Variants in NLRP8 observed in about 807,000 individuals in gnomAD.
NLRP8 encodes the protein NACHT, LRR and PYD domains-containing protein 8.
A neutral mutation model predicts 88.7 loss-of-function variants in NLRP8; 86 were observed. That is an observed-to-expected ratio of 0.97 (90% CI 0.81 to 1.16). The LOEUF (loss-of-function observed/expected upper bound fraction) is 1.16, where lower values mean the gene tolerates loss of function less well. Ranked by LOEUF, NLRP8 falls within the 50% of genes most tolerant of loss-of-function variation. The pLI, the probability that NLRP8 is intolerant of heterozygous loss-of-function variation, is 0.00. For missense variants in NLRP8, 1,342 were observed against 1,286.5 expected (o/e 1.04, Z -0.66); for synonymous variants, 504 against 494.6 (o/e 1.02, Z -0.25).
chr19:55,972,791 G>T (rs1170470975), intron 6 of NLRP8, among the ~76,000 whole-genome samples: 1 of 46,498 alleles, frequency 2.2e-5, no homozygotes, highest in Non-Finnish European at 3.4e-5. Flanking sequence ...GTATTCCATG[G>T]TGTGTGTGTG....
intron 7 of NLRP8, 62 bp downstream of exon 7, chr19:55,973,884 C>A: frequency 1.3e-6 from 2 of 1,481,710 alleles, no homozygotes; most frequent in Non-Finnish European, 1.8e-6. Context: ...ATGAAGAGAA[C>A]CTGTTATATA....
At chr19:55,981,308 G>A (rs1208633948) in intron 9 of NLRP8, among the ~76,000 whole-genome samples, 150 bp downstream of exon 10, 12 of 151,654 alleles carry the variant, frequency 7.9e-5, no homozygotes, top group South Asian at 6.2e-4. Context: ...GGCTCCATTC[G>A]TTCTGGGAAC....
Position 55,952,629 on chromosome 19 carries a change from C to T in NLRP8, c.442+17C>T, listed in dbSNP as rs374938272. 2.5e-6 allele frequency: 4 copies of T among 1,607,476 alleles called. No individual in the cohort carries two copies. The African/African-American group carries it at 5.3e-5, about 21-fold the overall frequency. The stretch of plus-strand genomic sequence containing the variant: ...GAGAATCTGGTATGTGCCTGTATCA[C>T]AGCAGACCCTGGTGAAAAAATGGGC... On this transcript the variant is annotated intron_variant, in intron 2 of 9. Transcript: ENST00000291971.
chr19:55,957,078 C>T (rs978706714), intron 3 of NLRP8, among the ~76,000 whole-genome samples: 1 of 152,144 alleles, frequency 6.6e-6, no homozygotes, highest in Admixed American at 6.5e-5. Context: ...CAGGCATGAG[C>T]CGCTGCGCCC....
rs1446963078 is a variant in NLRP8, at chr19:55,953,777, G to A, written c.443-724G>A. On this transcript the variant is annotated intron_variant, in intron 2 of 9. Coordinates refer to ENST00000291971, the MANE Select transcript of NLRP8 (RefSeq NM_176811.2). ...CAAAGTGCTGGGATTACAGGCGTAA[G>A]CCACTGTGCCTGGCCTTTTTTTTTT... 2.9e-5 allele frequency among the ~76,000 whole-genome samples: 4 copies of A among 137,930 alleles called. No individual in the cohort carries two copies. In the East Asian group the frequency reaches 6.9e-4, roughly 24 times the overall value. The allele number at this position is 137,930 out of a possible 152,430, so 90.5% of individuals were successfully genotyped here.
Position 55,948,121 on chromosome 19 carries a change from G to T in NLRP8, c.219G>T (p.Trp73Cys). ...GTACTGGCACCATGCCCATCACCTG[G>T]GACCAGGTCGAGACAGCCAGCTGGG... Residue 73 changes from tryptophan (W) to cysteine (C), a missense_variant, in exon 1 of 10, where the codon TGG becomes TGT. By Grantham distance (215) the Trp-to-Cys change is radical. Coordinates refer to ENST00000291971, the MANE Select transcript of NLRP8 (RefSeq NM_176811.2). The T allele has an allele frequency of 6.2e-7, 1 of 1,614,126 alleles. No homozygotes were observed. Among genetic ancestry groups the T allele is most frequent in the South Asian group, 1.1e-5 (1 of 91,082 alleles).
intron 3 of NLRP8, among the ~76,000 whole-genome samples, chr19:55,957,673 T>TATATATATA (rs1378405360): frequency 1.3e-4 from 4 of 31,216 alleles, no homozygotes; most frequent in South Asian, 1.7e-3. Flanking sequence ...AAAATAATAA[T>TATATATATA]TATATATATA....
intron 4 of NLRP8, among the ~76,000 whole-genome samples, chr19:55,963,118 A>G (rs964286069): frequency 1.3e-5 from 2 of 152,094 alleles, no homozygotes; most frequent in African/African-American, 4.8e-5. Context: ...GGTTCAAGCA[A>G]TTCTCCTGCC....
At chr19:55,975,653 A>G (rs1453555149) in intron 7 of NLRP8, among the ~76,000 whole-genome samples, 1 of 152,162 alleles carries the variant, frequency 6.6e-6, no homozygotes, top group Non-Finnish European at 1.5e-5. Flanking sequence ...TCAAAATATT[A>G]TGGTAGATAA....
intron 7 of NLRP8, among the ~76,000 whole-genome samples, chr19:55,975,339 C>T (rs186031740): frequency 4.0e-4 from 61 of 152,302 alleles, no homozygotes; most frequent in Admixed American, 9.2e-4. Flanking sequence ...AAGCAGGGAA[C>T]GGTGCCACTG....
In NLRP8 at chr19:55,977,448, TTACA is replaced by T. The variant is rs1300412205; in HGVS notation, c.2876+1148_2876+1151del. ...ATACAATATATTATACATTATATAC[TTACA>T]TATTATGTTGTATATTATATATTTA... On this transcript the variant is annotated intron_variant, in intron 8 of 9. Coordinates refer to ENST00000291971, the MANE Select transcript of NLRP8 (RefSeq NM_176811.2). Among the ~76,000 whole-genome samples, 6 of 145,516 alleles carry T rather than the reference TTACA, an allele frequency of 4.1e-5. No homozygotes were observed. The Admixed American group carries it at 4.2e-4, about 10-fold the overall frequency.
At chr19:55,963,026 T>C (rs1351395020) in intron 4 of NLRP8, among the ~76,000 whole-genome samples, 2 of 151,978 alleles carry the variant, frequency 1.3e-5, no homozygotes, top group Non-Finnish European at 2.9e-5. Context: ...ATCCCCCCCC[T>C]TTTTTAAAAC....
chr19:55,961,983 T>C, intron 3 of NLRP8, 84 bp from the exon 4 acceptor site: 1 of 1,424,672 alleles, frequency 7.0e-7, no homozygotes, highest in Non-Finnish European at 9.7e-7. Flanking sequence ...CTAACCAGGA[T>C]AGGGAACACC....
chr19:55,964,064 C>G (rs763876974), intron 4 of NLRP8, among the ~76,000 whole-genome samples: 9 of 152,158 alleles, frequency 5.9e-5, no homozygotes, highest in African/African-American at 2.2e-4. Context: ...CCACTCCATA[C>G]GCTATCTCTC....
At chr19:55,952,368 A>G (rs79944554) in intron 1 of NLRP8, among the ~76,000 whole-genome samples, 170 bp from the exon 2 acceptor site, 7,109 of 152,306 alleles carry the variant, frequency 0.047, 169 homozygotes, top group South Asian at 0.076. Flanking sequence ...AATTGCTGTG[A>G]TAGAGATAGA....
intron 1 of NLRP8, among the ~76,000 whole-genome samples, chr19:55,951,144 T>C (rs183652549): frequency 3.3e-5 from 5 of 152,236 alleles, no homozygotes; most frequent in Non-Finnish European, 5.9e-5. Flanking sequence ...TGCCTTTCCA[T>C]GTTCCTCAGG....
chr19:55,980,398 C>T (rs534472213), intron 9 of NLRP8, among the ~76,000 whole-genome samples: 10 of 152,300 alleles, frequency 6.6e-5, no homozygotes, highest in Admixed American at 2.6e-4. Context: ...ATTACCTCAA[C>T]GCTTAGTAAC....
At chr19:55,978,837 T>C (rs1980456200) in intron 8 of NLRP8, among the ~76,000 whole-genome samples, 1 of 152,078 alleles carries the variant, frequency 6.6e-6, no homozygotes, top group South Asian at 2.1e-4. Flanking sequence ...GGTAGTAGGA[T>C]TGCTTGAGCC....
At chr19:55,948,737 C>T (rs1380471036) in intron 1 of NLRP8, among the ~76,000 whole-genome samples, 1 of 152,132 alleles carries the variant, frequency 6.6e-6, no homozygotes, top group Non-Finnish European at 1.5e-5. Flanking sequence ...TGTGCCCAGC[C>T]CATATGGGCC....
Sources: gnomAD v4.1 joint callset for allele counts (sites outside exome capture counted in the v4.1 genomes callset) on GRCh38, gnomAD v4.1.1 for gene constraint, MANE v1.5 for transcripts, NCBI Gene and HGNC (gene_info 2026-07-23, HGNC 2026-07-21) for gene names.